Variants in HERC2 observed in about 807,000 individuals in gnomAD.
HERC2 encodes the protein E3 ubiquitin-protein ligase HERC2.
Under a neutral mutation model 537.7 loss-of-function variants are expected in HERC2, and 102 were observed. The ratio of observed to expected loss-of-function variants is 0.19; its 90% CI spans 0.16 to 0.22. HERC2 has a LOEUF of 0.22. Ranked by LOEUF, HERC2 falls within the 10% of genes least tolerant of loss-of-function variation. The pLI, the probability that HERC2 is intolerant of heterozygous loss-of-function variation, is 1.00. For missense variants in HERC2, 4,236 were observed against 6,198.2 expected, an observed-to-expected ratio of 0.68 and a Z score of 10.63; for synonymous variants, 2,224 against 2,466.2, an observed-to-expected ratio of 0.90 and a Z score of 2.91.
intron 78 of HERC2, among the ~76,000 whole-genome samples, chr15:28,137,000 C>T (rs553973941): frequency 4.0e-4 from 60 of 150,954 alleles, no homozygotes; most frequent in African/African-American, 1.4e-3. Flanking sequence ...ATTTAGCTAA[C>T]TCAAAAAAAA....
intron 2 of HERC2, among the ~76,000 whole-genome samples, chr15:28,319,941 C>T (rs1189799336): frequency 6.6e-6 from 1 of 152,164 alleles, no homozygotes; most frequent in Non-Finnish European, 1.5e-5. Context: ...TATGAAAGTA[C>T]TCATCTCTCA....
intron 30 of HERC2, among the ~76,000 whole-genome samples, chr15:28,232,245 T>C (rs1901943655): frequency 6.6e-6 from 1 of 152,098 alleles, no homozygotes; most frequent in African/African-American, 2.4e-5. Context: ...GTATAAGTCA[T>C]AAGAATATGA....
intron 43 of HERC2, among the ~76,000 whole-genome samples, chr15:28,211,691 G>A (rs1352757651): frequency 3.9e-5 from 6 of 152,110 alleles, no homozygotes; most frequent in Non-Finnish European, 8.8e-5. Flanking sequence ...GATGGGAAAC[G>A]GCAGCTACTA....
chr15:28,214,882 T>C, intron 39 of HERC2, 80 bp from the exon 40 acceptor site: 1 of 1,275,956 alleles, frequency 7.8e-7, no homozygotes. Flanking sequence ...TTTTATTTTT[T>C]ATTTTTTTGA....
chr15:28,231,838 C>CA (rs61645210), intron 30 of HERC2, among the ~76,000 whole-genome samples: 195 of 126,300 alleles, frequency 1.5e-3, no homozygotes, highest in Middle Eastern at 8.6e-3. Flanking sequence ...ACTTAATTTC[C>CA]AAAAAAAAAA....
Position 28,263,135 on chromosome 15 carries a change from C to G in HERC2, c.1905G>C (p.Gly635=). 6.2e-7 allele frequency: 1 copy of G among 1,613,458 alleles called. No homozygotes were observed. The highest frequency in any genetic ancestry group is 1.3e-5 in the African/African-American group (1 of 75,052). The stretch of plus-strand genomic sequence containing the variant: ...CATCACTACCACCTCTGCCCAATTT[C>G]CCATAGTCACCATCTCCCCAAGACC... ...QVWSWGDGDY[G]KLGRGGSDGC... Residue 635 remains glycine, a synonymous_variant, in exon 15 of 93, where the codon GGG becomes GGC. Transcript: ENST00000261609.
rs143388037 is a variant in HERC2 at position 28,265,869 on chromosome 15, G to C, written c.1704C>G (p.Ala568=). ...CGSTYSAAIT[A]EGELYTWGRG... ...GGCCCCAGGTGTACAGCTCCCCCTC[G>C]GCAGTGATGGCCGCACTGTAAGTGC... is the stretch of plus-strand genomic sequence containing the variant. Residue 568 remains alanine, a synonymous_variant, in exon 13 of 93, where the codon GCC becomes GCG. Transcript: ENST00000261609. This position sits in a 1 kb window ranked among gnomAD's most constrained non-coding sequence, Gnocchi z 4.0. 2.5e-6 allele frequency: 4 copies of C among 1,614,084 alleles called. No individual in the cohort carries two copies. Among genetic ancestry groups the C allele is most frequent in the East Asian group, 4.5e-5 (2 of 44,850 alleles).
intron 4 of HERC2, among the ~76,000 whole-genome samples, chr15:28,286,151 A>C (rs1232205725): frequency 6.6e-6 from 1 of 152,078 alleles, no homozygotes; most frequent in Non-Finnish European, 1.5e-5. Context: ...CTAGAAGAGG[A>C]AAAACTTCCC....
chr15:28,238,538 A>C (rs1902699688), intron 24 of HERC2, 64 bp downstream of exon 24: 21 of 1,366,002 alleles, frequency 1.5e-5, no homozygotes, highest in Non-Finnish European at 2.1e-5. Flanking sequence ...TTATAAGCCA[A>C]ATACTCTGCT....
At position 28,144,771 on chromosome 15, in the gene HERC2, C is replaced by T. The variant is rs1361618809; in HGVS notation, c.11042G>A (p.Arg3681His). 4 of 1,614,194 alleles carry T rather than the reference C, an allele frequency of 2.5e-6. No individual in the cohort carries two copies. Among genetic ancestry groups the T allele is most frequent in the South Asian group, 1.1e-5 (1 of 91,086 alleles). The change falls in exon 72 of 93, where the codon CGC becomes CAC. Residue 3681 changes from arginine (R) to histidine (H), a missense_variant. Arg to His is a conservative substitution (Grantham distance 29). Coordinates refer to ENST00000261609, the MANE Select transcript of HERC2 (RefSeq NM_004667.6). ...CCACTTTAACTCATCCCCTGGGATG[C>T]GCAGCTCGCTGGACCAGTCGGACCA... ...REWSDWSSEL[R>H]IPGDELKWKF...
At chr15:28,224,999 G>T (rs565449204) in intron 35 of HERC2, among the ~76,000 whole-genome samples, 2 of 152,160 alleles carry the variant, frequency 1.3e-5, no homozygotes, top group African/African-American at 4.8e-5. Context: ...AGGGATGAAG[G>T]GGCAATTATA....
rs745517298 is a variant in HERC2, at chr15:28,321,396, C to T, written c.38G>A (p.Arg13His). ...SESFCLAAQA[R>H]LDSKWLKTDI... ...TGTTTTCAACCATTTGGAGTCGAGGCGAGCCTGGGCAGCCAAACAGAAAGA... is the reference window on the plus strand; with the variant it reads ...TGTTTTCAACCATTTGGAGTCGAGGTGAGCCTGGGCAGCCAAACAGAAAGA... The change falls in exon 2 of 93, where the codon CGC (arginine) becomes CAC (histidine). Residue 13 changes from arginine to histidine, a missense_variant. Transcript: ENST00000261609. 1 of 981,544 alleles carries T rather than the reference C, an allele frequency of 1.0e-6. No individual in the cohort carries two copies. The highest frequency in any genetic ancestry group is 3.2e-4 in the Middle Eastern group (1 of 3,092). The allele number at this position is 981,544 out of a possible 1,614,324, so 60.8% of individuals were successfully genotyped here.
intron 66 of HERC2, among the ~76,000 whole-genome samples, chr15:28,168,942 T>C (rs1894424629): frequency 6.6e-6 from 1 of 152,212 alleles, no homozygotes; most frequent in Non-Finnish European, 1.5e-5. Flanking sequence ...ATTTTGTGTT[T>C]ACTGAAAGCC....
intron 2 of HERC2, among the ~76,000 whole-genome samples, chr15:28,301,075 G>A (rs1408468140): frequency 1.3e-5 from 2 of 151,712 alleles, no homozygotes; most frequent in Admixed American, 6.6e-5. Context: ...AGATTCAAGG[G>A]CCAGGGCAGA....
At position 28,265,887 on chromosome 15, in the gene HERC2, G is replaced by A. The variant is rs1285371352; in HGVS notation, c.1686C>T (p.Tyr562=). The change falls in exon 13 of 93, where the codon TAC becomes TAT. Residue 562 remains tyrosine, a synonymous_variant. Coordinates refer to ENST00000261609, the MANE Select transcript of HERC2 (RefSeq NM_004667.6). This position sits in a 1 kb window ranked among gnomAD's most constrained non-coding sequence, Gnocchi z 4.0. ...HVVHIACGST[Y]SAAITAEGEL... ...CCCCCTCGGCAGTGATGGCCGCACT[G>A]TAAGTGCTCCCGCAAGCGATGTGCA... 2 of 1,614,080 alleles carry A rather than the reference G, an allele frequency of 1.2e-6. No individual in the cohort carries two copies. The highest frequency in any genetic ancestry group is 1.7e-6 in the Non-Finnish European group (2 of 1,180,054).
chr15:28,243,053 GTGC>G (rs1157505655), intron 23 of HERC2, among the ~76,000 whole-genome samples: 2 of 152,186 alleles, frequency 1.3e-5, no homozygotes, highest in African/African-American at 4.8e-5. Context: ...GTCCTAGCAA[GTGC>G]AATAAGTCAC....
intron 69 of HERC2, among the ~76,000 whole-genome samples, chr15:28,153,214 G>A (rs1458668850): frequency 1.2e-4 from 18 of 152,202 alleles, no homozygotes; most frequent in East Asian, 3.9e-4. Context: ...TTAGTTGGGC[G>A]TGGTGGTGCA....
chr15:28,224,602 C>T (rs1485044475), intron 35 of HERC2, among the ~76,000 whole-genome samples: 1 of 152,140 alleles, frequency 6.6e-6, no homozygotes, highest in East Asian at 1.9e-4. Context: ...ACTTTGATAA[C>T]TGGCCCTGCA....
intron 2 of HERC2, among the ~76,000 whole-genome samples, chr15:28,319,642 A>G (rs200075924): frequency 0.12 from 17,088 of 140,944 alleles, 581 homozygotes; most frequent in East Asian, 0.42. Flanking sequence ...TGTAACAAGG[A>G]CCAAGTACTG....
Sources: allele counts gnomAD v4.1 joint callset (sites outside exome capture counted in the v4.1 genomes callset), GRCh38; gene constraint gnomAD v4.1.1; non-coding constraint Gnocchi (gnomAD v3.1); transcripts MANE v1.5; gene names NCBI Gene and HGNC (gene_info 2026-07-23, HGNC 2026-07-21).